GREB1: variants seen among roughly 807,000 people sequenced by gnomAD.
The protein encoded by GREB1 is protein GREB1.
In GREB1, 106 loss-of-function variants were observed where a neutral mutation model predicts 200.7. The observed-to-expected ratio is 0.53, with a 90% CI of 0.45 to 0.62. The LOEUF (loss-of-function observed/expected upper bound fraction) is 0.62, where lower values mean the gene tolerates loss of function less well. Among genes scored for constraint, GREB1 ranks in the 20% least tolerant of loss-of-function variants. GREB1 has a pLI of 0.00. For missense variants in GREB1, 2,243 were observed against 2,556.8 expected, an observed-to-expected ratio of 0.88 and a Z score of 2.65; for synonymous variants, 1,132 against 1,092.4, an observed-to-expected ratio of 1.04 and a Z score of -0.72.
In GREB1 at chr2:11,625,270, G is replaced by T; in HGVS notation, c.4264G>T (p.Ala1422Ser). 1 of 1,614,182 alleles carries T rather than the reference G, an allele frequency of 6.2e-7. No homozygotes were observed. Among genetic ancestry groups the T allele is most frequent in the Non-Finnish European group, 8.5e-7 (1 of 1,180,018 alleles). ...YIIHDPKYED[A>S]SLICSHYQGI... is the part of the protein sequence containing the mutation. ...CATTCACGACCCGAAGTATGAAGAT[G>T]CCAGCCTGATTTGTTCGCACTATCA... is the stretch of plus-strand genomic sequence containing the variant. The change falls in exon 24 of 33, where the codon GCC becomes TCC. Residue 1422 changes from alanine to serine, a missense_variant. Around this residue, in one of 3 missense-constraint regions of GREB1, gnomAD observed 587 missense variants for 553.1 expected, o/e 1.06. Coordinates refer to ENST00000381486, the MANE Select transcript of GREB1 (RefSeq NM_014668.4).
At chr2:11,631,801 A>G in intron 26 of GREB1, 108 bp from the exon 27 acceptor site, 1 of 828,566 alleles carries the variant, frequency 1.2e-6, no homozygotes, top group East Asian at 2.6e-5. Flanking sequence ...CCAGCAGTGT[A>G]GGCATGGTCA....
In GREB1 at chr2:11,631,943, CA is replaced by C; in HGVS notation, c.4648del (p.Thr1550ProfsTer93). 8 of 1,614,056 alleles carry C rather than the reference CA, an allele frequency of 5.0e-6. No homozygotes were observed. Among genetic ancestry groups the C allele is most frequent in the Non-Finnish European group, 6.8e-6 (8 of 1,179,932 alleles). ...HEYIKSPTFT[P>X]TTGRHEHGLF... is the part of the protein sequence containing the mutation. ...TATATAAAAAGTCCGACATTCACTCCAACCACCGGCCGTCACGAACATGGGC... is the reference window on the plus strand; with the variant it reads ...TATATAAAAAGTCCGACATTCACTCCACCACCGGCCGTCACGAACATGGGC... On this transcript the variant is annotated frameshift_variant, in exon 27 of 33. Transcript: ENST00000381486. LOFTEE classifies it high-confidence loss of function.
intron 7 of GREB1, chr2:11,581,043 G>C: frequency 2.9e-6 from 2 of 698,450 alleles, no homozygotes; most frequent in Non-Finnish European, 5.3e-6. Flanking sequence ...GGGAGTTACC[G>C]TATGTGCCAA....
upstream of GREB1, among the ~76,000 whole-genome samples, chr2:11,530,303 C>G (rs915897568): frequency 1.3e-5 from 2 of 151,882 alleles, 1 homozygote; most frequent in South Asian, 4.2e-4. Context: ...CTCAAGTGAT[C>G]CACCCACTTT....
chr2:11,516,394 G>A (rs1172327372), intron 1 of GREB1, among the ~76,000 whole-genome samples: 2 of 151,526 alleles, frequency 1.3e-5, no homozygotes, highest in Non-Finnish European at 1.5e-5. Context: ...CTCTGGTGCC[G>A]TCCTCAGCTG....
intron 11 of GREB1, among the ~76,000 whole-genome samples, chr2:11,593,952 T>G (rs1313012266): frequency 6.6e-6 from 1 of 152,162 alleles, no homozygotes; most frequent in Non-Finnish European, 1.5e-5. Flanking sequence ...TGTTGTGCAT[T>G]TTCAGCCAGA....
In GREB1 at chr2:11,629,984, T is replaced by C. The variant is rs1167430512; in HGVS notation, c.4486T>C (p.Tyr1496His). The change falls in exon 26 of 33, where the codon TAC (tyrosine) becomes CAC (histidine). Residue 1496 changes from tyrosine (Y) to histidine (H), a missense_variant. Physicochemically the swap from Tyr to His is moderately conservative, Grantham distance 83. Coordinates refer to ENST00000381486, the MANE Select transcript of GREB1 (RefSeq NM_014668.4). The surrounding 1 kb of genome is among the most constrained non-coding windows in gnomAD (Gnocchi z 5.2). Reference sequence around the variant, plus strand: ...CACCCTGCACGCCTTTGCCTTCTCTTACTCCATGCTAGGAGAGGAGATCCA... The same window carrying C: ...CACCCTGCACGCCTTTGCCTTCTCTCACTCCATGCTAGGAGAGGAGATCCA... Reference protein sequence around the residue: ...ESTLHAFAFSYSMLGEEIQLH... With the variant: ...ESTLHAFAFSHSMLGEEIQLH... 3 of 1,614,212 alleles carry C rather than the reference T, an allele frequency of 1.9e-6. No homozygotes were observed. The Middle Eastern group carries it at 4.9e-4, about 266-fold the overall frequency.
intron 21 of GREB1, among the ~76,000 whole-genome samples, chr2:11,617,025 G>A (rs959128502): frequency 2.0e-5 from 3 of 152,218 alleles, no homozygotes; most frequent in South Asian, 2.1e-4. Flanking sequence ...TGTTAGGGGC[G>A]GGTCCCCGGG....
chr2:11,487,674 G>A (rs1171588491), intron 1 of GREB1, among the ~76,000 whole-genome samples: 1 of 152,212 alleles, frequency 6.6e-6, no homozygotes, highest in African/African-American at 2.4e-5. Flanking sequence ...AAAATAGAAC[G>A]ATTGTGAGCC....
At chr2:11,571,443 A>G (rs1678278815) in intron 4 of GREB1, among the ~76,000 whole-genome samples, 3 of 152,234 alleles carry the variant, frequency 2.0e-5, no homozygotes, top group South Asian at 4.1e-4. Context: ...TTGGCAGAGA[A>G]GTACTTCCTG....
chr2:11,611,563 C>T (rs537344957), intron 18 of GREB1, among the ~76,000 whole-genome samples: 1 of 152,350 alleles, frequency 6.6e-6, no homozygotes, highest in East Asian at 1.9e-4. Context: ...GCCTCAGCCT[C>T]CCAAAGTGCT....
At chr2:11,546,216 C>T (rs1675263843) in intron 1 of GREB1, among the ~76,000 whole-genome samples, 1 of 151,802 alleles carries the variant, frequency 6.6e-6, no homozygotes, top group South Asian at 2.1e-4. Context: ...GATGTGAAGA[C>T]AAAGAATGCT....
chr2:11,620,606 G>A (rs1017504541), intron 22 of GREB1, among the ~76,000 whole-genome samples: 21 of 152,022 alleles, frequency 1.4e-4, no homozygotes, highest in Non-Finnish European at 1.5e-5. Flanking sequence ...TTTTTTTGAA[G>A]CAGCTTGCTT....
At position 11,640,576 on chromosome 2, in the gene GREB1, G is replaced by A; in HGVS notation, c.*122G>A. 8.6e-7 allele frequency: 1 copy of A among 1,156,302 alleles called. No individual in the cohort carries two copies. The highest frequency in any genetic ancestry group is 1.3e-5 in the South Asian group (1 of 76,508). 71.6% of individuals were successfully genotyped at this position (1,156,302 alleles called of 1,614,324 possible). A position where few individuals can be genotyped will look rare whatever the true frequency, so the allele number is the denominator to read the frequency against. ...AATGGACCCCAGGGACTGTCCAGGT[G>A]CAGCCCCTCCTAGTACACATGGGCC... On this transcript the variant is annotated 3_prime_UTR_variant, in exon 33 of 33. Coordinates refer to ENST00000381486, the MANE Select transcript of GREB1 (RefSeq NM_014668.4). The surrounding 1 kb of genome is among the most constrained non-coding windows in gnomAD (Gnocchi z 4.6).
intron 5 of GREB1, 106 bp downstream of exon 5, chr2:11,576,641 A>C: frequency 1.3e-6 from 1 of 798,346 alleles, no homozygotes; most frequent in Non-Finnish European, 2.0e-6. Flanking sequence ...AGCAGCACAC[A>C]TCACGGGCAA....
intron 1 of GREB1, among the ~76,000 whole-genome samples, chr2:11,516,381 C>T (rs13418262): frequency 0.18 from 27,534 of 151,206 alleles, 3,228 homozygotes; most frequent in African/African-American, 0.32. Flanking sequence ...CTTGCCCTGA[C>T]TGCTCTGGTG....
intron 24 of GREB1, 48 bp from the exon 25 acceptor site, chr2:11,626,914 G>C: frequency 6.2e-7 from 1 of 1,607,878 alleles, no homozygotes; most frequent in Non-Finnish European, 8.5e-7. Context: ...AGGGGATAAT[G>C]TTTGCTTTGC....
intron 2 of GREB1, among the ~76,000 whole-genome samples, chr2:11,558,353 G>A (rs1443911903): frequency 6.6e-6 from 1 of 152,228 alleles, no homozygotes; most frequent in African/African-American, 2.4e-5. Flanking sequence ...GGGAGGCTGT[G>A]TCTGACATTC....
chr2:11,587,832 C>T, intron 9 of GREB1: 3 of 1,041,708 alleles, frequency 2.9e-6, no homozygotes. Context: ...AGGTTTAGGG[C>T]AGTTAAGCTT....
Sources: allele counts gnomAD v4.1 joint callset (sites outside exome capture counted in the v4.1 genomes callset), GRCh38; gene constraint gnomAD v4.1.1; regional missense constraint gnomAD v4.1.1; non-coding constraint Gnocchi (gnomAD v3.1); transcripts MANE v1.5; gene names NCBI Gene and HGNC (gene_info 2026-07-23, HGNC 2026-07-21).